CHST4: variants seen among roughly 807,000 people sequenced by gnomAD.
CHST4 encodes the protein GST-3.
For synonymous variants in CHST4, 171 were observed against 195.5 expected, an observed-to-expected ratio of 0.87 and a Z score of 1.05; for missense variants, 466 against 506.0, an observed-to-expected ratio of 0.92 and a Z score of 0.76.
chr16:71,527,780 G>C (rs1044752786), intron 1 of CHST4, among the ~76,000 whole-genome samples: 6 of 152,098 alleles, frequency 3.9e-5, no homozygotes, highest in Non-Finnish European at 7.4e-5. Flanking sequence ...GTACGGGTCT[G>C]TCGCCCAGGC....
At position 71,538,701 on chromosome 16, in the gene CHST4, G is replaced by A. The variant is rs1457317095; in HGVS notation, c.*863G>A. ...TATTTGGTTTCAGATGATGAACTAA[G>A]TCTATACCCTCTTAAGAATTGGTGG... On this transcript the variant is annotated 3_prime_UTR_variant, in exon 2 of 2. Coordinates refer to ENST00000539698, the MANE Select transcript of CHST4 (RefSeq NM_001166395.2). The A allele has an allele frequency of 1.3e-5, 2 of 156,390 alleles. No homozygotes were observed. Among genetic ancestry groups the A allele is most frequent in the Admixed American group, 1.3e-4 (2 of 15,286 alleles). The allele number at this position is 156,390 out of a possible 1,614,324, so 9.7% of individuals were successfully genotyped here. A position where few individuals can be genotyped will look rare whatever the true frequency, so the allele number is the denominator to read the frequency against.
In CHST4 at chr16:71,537,169, G is replaced by A. The variant is rs752041834; in HGVS notation, c.492G>A (p.Val164=). Residue 164 remains valine, a synonymous_variant, in exon 2 of 2, where the codon GTG becomes GTA. Coordinates refer to ENST00000539698, the MANE Select transcript of CHST4 (RefSeq NM_001166395.2). The surrounding 1 kb of genome is among the most constrained non-coding windows in gnomAD (Gnocchi z 4.2). ...GCAGTCAACAGCCCTTTGAGGTGGT[G>A]GAGAAGGCCTGCCGCTCCTACAGCC... ...LLCSQQPFEV[V]EKACRSYSHV... 2 of 1,614,138 alleles carry A rather than the reference G, an allele frequency of 1.2e-6. No individual in the cohort carries two copies. Among genetic ancestry groups the A allele is most frequent in the Non-Finnish European group, 8.5e-7 (1 of 1,180,024 alleles).
At chr16:71,529,798 C>CA (rs1470558864) in intron 1 of CHST4, among the ~76,000 whole-genome samples, 1 of 152,084 alleles carries the variant, frequency 6.6e-6, no homozygotes, top group Admixed American at 6.6e-5. Flanking sequence ...GGCACCCATA[C>CA]AGGCTTTTAC....
chr16:71,537,609 G>A lies in CHST4; in HGVS notation c.932G>A (p.Arg311Gln), dbSNP rs201479226. ...CAGACCTGGGTGCATAACATCACCC[G>A]AGGCAAGGGCATGGGTGACCACGCT... Reference protein sequence around the residue: ...HLQTWVHNITRGKGMGDHAFH... With the variant: ...HLQTWVHNITQGKGMGDHAFH... The change falls in exon 2 of 2, where the codon CGA (arginine) becomes CAA (glutamine). Residue 311 changes from arginine (R) to glutamine (Q), a missense_variant. By Grantham distance (43) the Arg-to-Gln change is conservative (BLOSUM62 1). Coordinates refer to ENST00000539698, the MANE Select transcript of CHST4 (RefSeq NM_001166395.2). This position sits in a 1 kb window ranked among gnomAD's most constrained non-coding sequence, Gnocchi z 4.2. 1.8e-5 allele frequency: 29 copies of A among 1,614,012 alleles called. No individual in the cohort carries two copies. The highest frequency in any genetic ancestry group is 2.4e-5 in the Non-Finnish European group (28 of 1,180,040).
Position 71,536,934 on chromosome 16 carries a change from C to A in CHST4, c.257C>A (p.Thr86Asn). Reference protein sequence around the residue: ...WHVWMTFKQSTAWMLHMAVRD... With the variant: ...WHVWMTFKQSNAWMLHMAVRD... Reference sequence around the variant, plus strand: ...GTGTGGATGACCTTCAAGCAGAGCACCGCCTGGATGCTGCACATGGCTGTG... The same window carrying A: ...GTGTGGATGACCTTCAAGCAGAGCAACGCCTGGATGCTGCACATGGCTGTG... Residue 86 changes from threonine to asparagine, a missense_variant, in exon 2 of 2, where the codon ACC becomes AAC. Coordinates refer to ENST00000539698, the MANE Select transcript of CHST4 (RefSeq NM_001166395.2). 1 of 1,612,408 alleles carries A rather than the reference C, an allele frequency of 6.2e-7. No homozygotes were observed.
intron 1 of CHST4, among the ~76,000 whole-genome samples, chr16:71,532,382 A>G (rs991044367): frequency 1.3e-5 from 2 of 152,196 alleles, no homozygotes; most frequent in African/African-American, 4.8e-5. Context: ...GGCTAAGACT[A>G]CAGGGCAGGA....
intron 1 of CHST4, among the ~76,000 whole-genome samples, chr16:71,532,193 G>A (rs1030123585): frequency 6.6e-6 from 1 of 151,894 alleles, no homozygotes; most frequent in Non-Finnish European, 1.5e-5. Context: ...GACTATAGGT[G>A]CCCGCCACCA....
intron 1 of CHST4, among the ~76,000 whole-genome samples, chr16:71,534,348 C>CTTTTTTTTTT (rs548597955): frequency 2.0e-3 from 250 of 123,254 alleles, no homozygotes; most frequent in African/African-American, 3.8e-3. Context: ...ACATTTCTTT[C>CTTTTTTTTTT]TTTTTTTTTT....
rs1006099998 is a variant in CHST4, at chr16:71,537,425, TG to T, written c.749del (p.Cys250SerfsTer105). The T allele has an allele frequency of 1.9e-6, 3 of 1,613,500 alleles. No individual in the cohort carries two copies. In the African/African-American group the frequency reaches 4.0e-5, roughly 22 times the overall value. ...DQPYYVMQVI[C>X]QSQLEIYKTI... ...ACCCTACTATGTGATGCAGGTCATC[TG>T]CCAAAGCCAGCTGGAGATCTACAAG... On this transcript the variant is annotated frameshift_variant, in exon 2 of 2. Transcript: ENST00000539698. LOFTEE classifies it low-confidence loss of function (END_TRUNC). The surrounding 1 kb of genome is among the most constrained non-coding windows in gnomAD (Gnocchi z 4.2).
intron 1 of CHST4, among the ~76,000 whole-genome samples, chr16:71,529,404 A>G (rs1057447629): frequency 3.9e-5 from 6 of 152,028 alleles, no homozygotes; most frequent in African/African-American, 7.2e-5. Flanking sequence ...GTTCCATGCA[A>G]TCACCTAAAT....
rs749651712 is a variant in CHST4 at position 71,536,909 on chromosome 16, G to A, written c.232G>A (p.Val78Met). The change falls in exon 2 of 2, where the codon GTG becomes ATG. Residue 78 changes from valine to methionine, a missense_variant. By Grantham distance (21) the Val-to-Met change is conservative. Coordinates refer to ENST00000539698, the MANE Select transcript of CHST4 (RefSeq NM_001166395.2). ...VFYLMEPAWHVWMTFKQSTAW... is the reference protein window; with the variant it reads ...VFYLMEPAWHMWMTFKQSTAW... The stretch of plus-strand genomic sequence containing the variant: ...CTACCTGATGGAGCCCGCCTGGCAC[G>A]TGTGGATGACCTTCAAGCAGAGCAC... 14 of 1,604,016 alleles carry A rather than the reference G, an allele frequency of 8.7e-6. No homozygotes were observed. Among genetic ancestry groups the A allele is most frequent in the East Asian group, 4.5e-5 (2 of 44,656 alleles).
At chr16:71,533,582 A>G (rs887328347) in intron 1 of CHST4, among the ~76,000 whole-genome samples, 1 of 152,190 alleles carries the variant, frequency 6.6e-6, no homozygotes, top group Non-Finnish European at 1.5e-5. Context: ...TACGTAAAAA[A>G]GAGGGGACTG....
chr16:71,528,010 C>T (rs1413208519), intron 1 of CHST4, among the ~76,000 whole-genome samples: 1 of 152,122 alleles, frequency 6.6e-6, no homozygotes, highest in Non-Finnish European at 1.5e-5. Context: ...TGGCTGGGCA[C>T]AGTGGCTCAT....
In CHST4 at chr16:71,537,914, C is replaced by T. The variant is rs2044005613; in HGVS notation, c.*76C>T. Reference sequence around the variant, plus strand: ...TCTGAATGCTTCTGAGCCTTGCCTACATCTCTGAGCCTTAACTACATGTCT... The same window carrying T: ...TCTGAATGCTTCTGAGCCTTGCCTATATCTCTGAGCCTTAACTACATGTCT... On this transcript the variant is annotated 3_prime_UTR_variant, in exon 2 of 2. Transcript: ENST00000539698. This position sits in a 1 kb window ranked among gnomAD's most constrained non-coding sequence, Gnocchi z 4.2. The T allele has an allele frequency of 7.5e-7, 1 of 1,342,200 alleles. No homozygotes were observed. The highest frequency in any genetic ancestry group is 1.5e-5 in the African/African-American group (1 of 68,294). 83.1% of individuals were successfully genotyped at this position (1,342,200 alleles called of 1,614,324 possible).
chr16:71,533,011 C>T (rs1023818201), intron 1 of CHST4, among the ~76,000 whole-genome samples: 29 of 152,172 alleles, frequency 1.9e-4, no homozygotes, highest in Middle Eastern at 3.4e-3. Flanking sequence ...CAGCACAGAA[C>T]AGATAACTTG....
intron 1 of CHST4, among the ~76,000 whole-genome samples, chr16:71,534,078 A>G (rs147691755): frequency 6.6e-6 from 1 of 151,558 alleles, no homozygotes; most frequent in Non-Finnish European, 1.5e-5. Context: ...CCCCAGTGAC[A>G]TATGTTAAAA....
chr16:71,536,922 T>TCAAG lies in CHST4; in HGVS notation c.248_251dup (p.Ser85AlafsTer27). 6.2e-7 allele frequency: 1 copy of TCAAG among 1,610,708 alleles called. No individual in the cohort carries two copies. Among genetic ancestry groups the TCAAG allele is most frequent in the Non-Finnish European group, 8.5e-7 (1 of 1,177,670 alleles). ...CCCGCCTGGCACGTGTGGATGACCT[T>TCAAG]CAAGCAGAGCACCGCCTGGATGCTG... On this transcript the variant is annotated frameshift_variant, in exon 2 of 2. Transcript: ENST00000539698. LOFTEE classifies it low-confidence loss of function (END_TRUNC).
intron 1 of CHST4, among the ~76,000 whole-genome samples, chr16:71,531,101 T>C (rs1410367090): frequency 1.3e-5 from 2 of 151,890 alleles, no homozygotes; most frequent in Non-Finnish European, 1.5e-5. Flanking sequence ...AAAAGGTAGT[T>C]TTTGGCAGCA....
chr16:71,528,524 AAG>A (rs993473945), intron 1 of CHST4, among the ~76,000 whole-genome samples: 4 of 152,104 alleles, frequency 2.6e-5, no homozygotes, highest in African/African-American at 9.7e-5. Flanking sequence ...ACTGTCTAGG[AAG>A]AGTTTGTTAT....
Sources: gnomAD v4.1 joint callset for allele counts (sites outside exome capture counted in the v4.1 genomes callset) on GRCh38, gnomAD v4.1.1 for gene constraint, Gnocchi (gnomAD v3.1) non-coding constraint, MANE v1.5 for transcripts, NCBI Gene and HGNC (gene_info 2026-07-23, HGNC 2026-07-21) for gene names.